The following DZANK1 variants were observed in gnomAD, a reference collection of about 807,000 sequenced individuals.
The protein encoded by DZANK1 is double zinc ribbon and ankyrin repeat domains 1.
A neutral mutation model predicts 94.5 loss-of-function variants in DZANK1; 91 were observed. The observed-to-expected ratio is 0.96, with a 90% CI of 0.81 to 1.15. The LOEUF is 1.15. Among genes scored for constraint, DZANK1 ranks in the 50% most tolerant of loss-of-function variants. DZANK1 has a pLI of 0.00. For synonymous variants in DZANK1, 312 were observed against 325.3 expected, an observed-to-expected ratio of 0.96 and a Z score of 0.44; for missense variants, 903 against 916.4, an observed-to-expected ratio of 0.99 and a Z score of 0.19.
rs528724003 is a variant in DZANK1, at chr20:18,414,504, A to G, written c.1086T>C (p.Ile362=). 17 of 1,608,064 alleles carry G rather than the reference A, an allele frequency of 1.1e-5. No homozygotes were observed. In the African/African-American group the frequency reaches 2.1e-4, roughly 20 times the overall value. Reference sequence around the variant, plus strand: ...TAGGGCAAACAGAACAGCCAGCAGGAATGCCGAGCTAGAGGATAGAAAATA... The same window carrying G: ...TAGGGCAAACAGAACAGCCAGCAGGGATGCCGAGCTAGAGGATAGAAAATA... Residue 362 remains isoleucine (I), a synonymous_variant, in exon 12 of 21, where the codon ATT becomes ATC. Coordinates refer to ENST00000262547, the Ensembl canonical transcript of DZANK1.
At chr20:18,459,660 A>G (rs1378382778) in intron 3 of DZANK1, among the ~76,000 whole-genome samples, 2 of 152,068 alleles carry the variant, frequency 1.3e-5, no homozygotes, top group Non-Finnish European at 2.9e-5. Context: ...AGTCATTAAG[A>G]AAAAAAAGGA....
intron 13 of DZANK1, 35 bp downstream of exon 13, chr20:18,412,611 C>T: frequency 6.3e-7 from 1 of 1,596,338 alleles, no homozygotes; most frequent in Non-Finnish European, 8.6e-7. Context: ...AGTGAATTCC[C>T]TCCCGACCAG....
Position 18,396,088 on chromosome 20 carries a change from C to T in DZANK1, c.1611+384G>A, listed in dbSNP as rs57392854. ...TTTACAGGCTCTGTGGCAATGCCCC[C>T]GTCACCATATAAAAGGGAAGATCAA... On this transcript the variant is annotated intron_variant, in intron 15 of 20. Transcript: ENST00000262547. Among the ~76,000 whole-genome samples the T allele has an allele frequency of 7.9e-5, 12 of 152,272 alleles. No individual in the cohort carries two copies. In the East Asian group the frequency reaches 2.1e-3, roughly 27 times the overall value.
chr20:18,432,868 T>C (rs2058339551), intron 9 of DZANK1: 1 of 152,244 alleles, frequency 6.6e-6, no homozygotes, highest in Non-Finnish European at 1.5e-5. Flanking sequence ...AAAAAAATGT[T>C]CACAGTATGA....
At chr20:18,394,586 C>T (rs1259350128) in intron 15 of DZANK1, 1 of 678,544 alleles carries the variant, frequency 1.5e-6, no homozygotes, top group Admixed American at 1.8e-5. Context: ...CTCCCTGAAG[C>T]CCCAGCCCCC....
At chr20:18,399,320 C>T (rs537417749) in intron 13 of DZANK1, among the ~76,000 whole-genome samples, 1 of 152,136 alleles carries the variant, frequency 6.6e-6, no homozygotes, top group African/African-American at 2.4e-5. Context: ...CCTTGACCTC[C>T]CTTGGCTCAG....
intron 2 of DZANK1, among the ~76,000 whole-genome samples, chr20:18,460,803 C>T (rs2059448923): frequency 6.6e-6 from 1 of 152,004 alleles, no homozygotes; most frequent in African/African-American, 2.4e-5. Flanking sequence ...ATTATATATA[C>T]ATAATGGAAA....
chr20:18,465,147 AGCAAAGAGTGAGAAAGCAG>A, intron 2 of DZANK1, 84 bp downstream of exon 2: 1 of 753,364 alleles, frequency 1.3e-6, no homozygotes, highest in Non-Finnish European at 2.1e-6. Context: ...CAAAAAGCTG[AGCAAAGAGTGAGAAAGCAG>A]GCAAAGAGAT....
At chr20:18,389,701 G>T (rs368728828) in exon 19 of DZANK1, 1 of 1,613,660 alleles carries the variant, frequency 6.2e-7, no homozygotes, top group Non-Finnish European at 8.5e-7. Context: ...TTTCACTTAC[G>T]GCCCCCACTG....
chr20:18,425,267 T>C (rs894038723), intron 10 of DZANK1, among the ~76,000 whole-genome samples: 2 of 152,196 alleles, frequency 1.3e-5, no homozygotes, highest in Admixed American at 6.5e-5. Flanking sequence ...AAAAGGTATC[T>C]TGTCAGAGGG....
At chr20:18,398,555 G>C (rs755349093) in exon 14 of DZANK1, 5 of 1,613,960 alleles carry the variant, frequency 3.1e-6, no homozygotes, top group Admixed American at 3.3e-5. Flanking sequence ...ATCAAGGCCC[G>C]GAATTCAGGG....
At position 18,441,382 on chromosome 20, in the gene DZANK1, ATCAG is replaced by A. The variant is rs2058710495; in HGVS notation, c.747+1961_747+1964del. Among the ~76,000 whole-genome samples, 1 of 152,190 alleles carries A rather than the reference ATCAG, an allele frequency of 6.6e-6. No homozygotes were observed. On this transcript the variant is annotated intron_variant, in intron 8 of 20. Transcript: ENST00000262547. The surrounding 1 kb of genome is among the most constrained non-coding windows in gnomAD (Gnocchi z 4.1). ...GGACCAATCCCACTACCAATTCTGT[ATCAG>A]TCAGAGTCCAATCAGGACATAGAAA...
intron 10 of DZANK1, among the ~76,000 whole-genome samples, chr20:18,417,818 G>C (rs2057563681): frequency 6.6e-6 from 1 of 152,066 alleles, no homozygotes; most frequent in Non-Finnish European, 1.5e-5. Context: ...GGGTGTGGTG[G>C]CTCACACCTG....
chr20:18,410,772 T>C (rs2057213148), intron 13 of DZANK1, among the ~76,000 whole-genome samples: 1 of 152,094 alleles, frequency 6.6e-6, no homozygotes, highest in African/African-American at 2.4e-5. Context: ...CAACACAGTG[T>C]CACCCCATCT....
intron 12 of DZANK1, 146 bp downstream of exon 12, chr20:18,414,202 T>C: frequency 2.2e-6 from 2 of 928,602 alleles, no homozygotes; most frequent in Non-Finnish European, 1.6e-6. Context: ...ATTGACTGCA[T>C]TTATTTACAC....
chr20:18,410,980 C>T (rs925457739), intron 13 of DZANK1, among the ~76,000 whole-genome samples: 1 of 152,108 alleles, frequency 6.6e-6, no homozygotes, highest in African/African-American at 2.4e-5. Context: ...AATGAAGGTA[C>T]ACCAAACTTA....
intron 7 of DZANK1, among the ~76,000 whole-genome samples, chr20:18,445,971 G>T (rs2058863261): frequency 6.7e-6 from 1 of 149,860 alleles, no homozygotes; most frequent in African/African-American, 2.5e-5. Flanking sequence ...TGCCATGTTG[G>T]CCAGGCTAGT....
chr20:18,421,493 G>A (rs2057775954), intron 10 of DZANK1: 1 of 152,536 alleles, frequency 6.6e-6, no homozygotes, highest in Admixed American at 6.5e-5. Flanking sequence ...GTTAAGGGCA[G>A]TCTTCTAGGC....
chr20:18,399,562 C>T (rs1050414844), intron 13 of DZANK1, among the ~76,000 whole-genome samples: 1 of 152,164 alleles, frequency 6.6e-6, no homozygotes, highest in Admixed American at 6.5e-5. Flanking sequence ...CCATTTGGGG[C>T]TTGCCAAACG....
Sources: allele counts gnomAD v4.1 joint callset (sites outside exome capture counted in the v4.1 genomes callset), GRCh38; gene constraint gnomAD v4.1.1; non-coding constraint Gnocchi (gnomAD v3.1); transcripts MANE v1.5; gene names NCBI Gene and HGNC (gene_info 2026-07-23, HGNC 2026-07-21).